PIBF1: variants seen among roughly 807,000 people sequenced by gnomAD.
PIBF1 encodes the protein progesterone-induced-blocking factor 1.
PIBF1 carries 90 observed loss-of-function variants against 112.5 expected under a neutral mutation model. That is an observed-to-expected ratio of 0.80 (90% CI 0.67 to 0.95). The LOEUF (loss-of-function observed/expected upper bound fraction) is 0.95. Among genes scored for constraint, PIBF1 ranks in the 40% least tolerant of loss-of-function variants. The pLI, the probability that PIBF1 is intolerant of heterozygous loss-of-function variation, is 0.00. For synonymous variants in PIBF1, 301 were observed against 288.6 expected, an observed-to-expected ratio of 1.04 and a Z score of -0.44; for missense variants, 915 against 852.3, an observed-to-expected ratio of 1.07 and a Z score of -0.92.
In PIBF1 at chr13:72,914,939, A is replaced by G. The variant is rs568728495; in HGVS notation, c.1640-2137A>G. On this transcript the variant is annotated intron_variant, in intron 12 of 17. Coordinates refer to ENST00000326291, the MANE Select transcript of PIBF1 (RefSeq NM_006346.4). Reference sequence around the variant, plus strand: ...CCCTGAAACTTCCTAATTTTTCTGTACAGTTGCTCTCTCTATTAGCAGATA... The same window carrying G: ...CCCTGAAACTTCCTAATTTTTCTGTGCAGTTGCTCTCTCTATTAGCAGATA... Among the ~76,000 whole-genome samples the G allele has an allele frequency of 5.9e-5, 9 of 152,290 alleles. No individual in the cohort carries two copies. In the East Asian group the frequency reaches 1.7e-3, roughly 29 times the overall value.
chr13:72,842,972 G>C (rs1387849933), intron 9 of PIBF1, among the ~76,000 whole-genome samples: 1 of 152,072 alleles, frequency 6.6e-6, no homozygotes, highest in African/African-American at 2.4e-5. Flanking sequence ...AGCTCTGTAG[G>C]GTGTTCCAGA....
In PIBF1 at chr13:72,914,359, A is replaced by G. The variant is rs527672603; in HGVS notation, c.1640-2717A>G. ...AAAGTATAAGTATTGTCTAAAAGCT[A>G]AATAAACTCATATTAGAAAAAAAAA... is the stretch of plus-strand genomic sequence containing the variant. On this transcript the variant is annotated intron_variant, in intron 12 of 17. Coordinates refer to ENST00000326291, the MANE Select transcript of PIBF1 (RefSeq NM_006346.4). Among the ~76,000 whole-genome samples, 3 of 152,226 alleles carry G rather than the reference A, an allele frequency of 2.0e-5. No homozygotes were observed. The South Asian group carries it at 6.2e-4, about 32-fold the overall frequency.
intron 17 of PIBF1, among the ~76,000 whole-genome samples, chr13:73,003,178 T>A (rs1388813616): frequency 6.6e-6 from 1 of 151,990 alleles, no homozygotes; most frequent in South Asian, 2.1e-4. Context: ...ATATAATTGA[T>A]ACATAAGTGG....
intron 16 of PIBF1, among the ~76,000 whole-genome samples, chr13:72,991,612 G>C (rs2043483577): frequency 6.6e-6 from 1 of 152,108 alleles, no homozygotes; most frequent in Admixed American, 6.5e-5. Flanking sequence ...CAGCTGGCCA[G>C]ATTTGGTGGC....
chr13:72,931,068 A>AGGAAATGATGTCTATT, intron 13 of PIBF1, 97 bp from the exon 14 acceptor site: 1 of 695,408 alleles, frequency 1.4e-6, no homozygotes, highest in Non-Finnish European at 2.5e-6. Context: ...AAGTATAATT[A>AGGAAATGATGTCTATT]GGAAATGATG....
chr13:72,822,363 AT>A (rs747321748), intron 6 of PIBF1, among the ~76,000 whole-genome samples: 5 of 152,240 alleles, frequency 3.3e-5, no homozygotes, highest in Middle Eastern at 3.4e-3. Flanking sequence ...CAAAAAAAAA[AT>A]GACACTTTCT....
At chr13:72,977,849 T>C (rs1316426346) in intron 16 of PIBF1, among the ~76,000 whole-genome samples, 1 of 152,166 alleles carries the variant, frequency 6.6e-6, no homozygotes, top group Non-Finnish European at 1.5e-5. Flanking sequence ...TGATGTTTAG[T>C]CCTAACTTTT....
In PIBF1 at chr13:72,927,945, G is replaced by GTGTA. The variant is rs1555316839; in HGVS notation, c.1731-3219_1731-3218insGTAT. 2.3e-3 allele frequency among the ~76,000 whole-genome samples: 199 copies of GTGTA among 87,874 alleles called. 2 individuals carry two copies. The highest frequency in any genetic ancestry group is 5.9e-3 in the Middle Eastern group (1 of 170). 57.6% of individuals were successfully genotyped at this position (87,874 alleles called of 152,430 possible). A position where few individuals can be genotyped will look rare whatever the true frequency, so the allele number is the denominator to read the frequency against. ...TTAATACCATTTCTAATATATGTGT[G>GTGTA]TATATATATATATACACATATATAT... On this transcript the variant is annotated intron_variant, in intron 13 of 17. Coordinates refer to ENST00000326291, the MANE Select transcript of PIBF1 (RefSeq NM_006346.4).
intron 2 of PIBF1, among the ~76,000 whole-genome samples, chr13:72,790,986 G>A (rs2034893565): frequency 6.6e-6 from 1 of 152,206 alleles, no homozygotes; most frequent in African/African-American, 2.4e-5. Context: ...GACGATGCAA[G>A]AGGAGGGATT....
intron 5 of PIBF1, among the ~76,000 whole-genome samples, chr13:72,815,731 T>C (rs1469978265): frequency 6.6e-6 from 1 of 152,146 alleles, no homozygotes; most frequent in Non-Finnish European, 1.5e-5. Flanking sequence ...AGTGGCATGA[T>C]CACACCTCAC....
chr13:72,943,721 C>G (rs966996358), intron 14 of PIBF1, among the ~76,000 whole-genome samples: 2 of 152,198 alleles, frequency 1.3e-5, no homozygotes, highest in African/African-American at 4.8e-5. Flanking sequence ...CCTCAGTCTC[C>G]TTTGTTGACT....
intron 17 of PIBF1, among the ~76,000 whole-genome samples, chr13:73,003,974 C>T (rs573153584): frequency 3.9e-4 from 60 of 152,166 alleles, no homozygotes; most frequent in African/African-American, 1.4e-3. Flanking sequence ...GCTATAATCT[C>T]AAAGTGCTGG....
chr13:72,949,346 C>T lies in PIBF1; in HGVS notation c.1834-15928C>T, dbSNP rs373514408. On this transcript the variant is annotated intron_variant, in intron 14 of 17. Transcript: ENST00000326291. ...TTTTTTTTTTTTTGAGACAGAGTCTCGCTCTGTCAGCCAGGCTAGAGTGCA... is the reference window on the plus strand; with the variant it reads ...TTTTTTTTTTTTTGAGACAGAGTCTTGCTCTGTCAGCCAGGCTAGAGTGCA... Among the ~76,000 whole-genome samples, 141 of 104,538 alleles carry T rather than the reference C, an allele frequency of 1.3e-3. No homozygotes were observed. In the Middle Eastern group the frequency reaches 0.085, roughly 63 times the overall value. 68.6% of individuals were successfully genotyped at this position (104,538 alleles called of 152,430 possible).
intron 9 of PIBF1, among the ~76,000 whole-genome samples, chr13:72,848,496 A>G (rs2037972528): frequency 1.3e-5 from 2 of 152,206 alleles, no homozygotes; most frequent in South Asian, 4.1e-4. Context: ...ATTGCATATG[A>G]ATTATGTCTA....
chr13:72,840,502 TC>T (rs1407289156), intron 9 of PIBF1, among the ~76,000 whole-genome samples: 1 of 151,534 alleles, frequency 6.6e-6, no homozygotes, highest in Non-Finnish European at 1.5e-5. Flanking sequence ...ATATTTGGTC[TC>T]CTTATCTCTC....
chr13:72,811,762 T>A (rs1250771699), intron 5 of PIBF1, among the ~76,000 whole-genome samples: 2 of 152,130 alleles, frequency 1.3e-5, no homozygotes, highest in Non-Finnish European at 2.9e-5. Context: ...CCTATACCTC[T>A]AAAACCTCTA....
In PIBF1 at chr13:72,844,789, A is replaced by ACACACACACACACACACACACG. The variant is rs1594035467; in HGVS notation, c.1224-9257_1224-9256insACACACACACGCACACACACAC. On this transcript the variant is annotated intron_variant, in intron 9 of 17. Coordinates refer to ENST00000326291, the MANE Select transcript of PIBF1 (RefSeq NM_006346.4). ...CACACACACACACACACACACACAC[A>ACACACACACACACACACACACG]CACACACACACGGATGAAGTCTTAC... Among the ~76,000 whole-genome samples the ACACACACACACACACACACACG allele has an allele frequency of 2.0e-4, 24 of 119,622 alleles. 3 individuals are homozygous for ACACACACACACACACACACACG. Among genetic ancestry groups the ACACACACACACACACACACACG allele is most frequent in the African/African-American group, 8.0e-4 (21 of 26,314 alleles). The allele number at this position is 119,622 out of a possible 152,430, so 78.5% of individuals were successfully genotyped here.
At chr13:72,882,190 G>A (rs1864528847) in intron 10 of PIBF1, among the ~76,000 whole-genome samples, 1 of 152,120 alleles carries the variant, frequency 6.6e-6, no homozygotes, top group Non-Finnish European at 1.5e-5. Context: ...ATACATTGGG[G>A]AAAGGACAGT....
intron 10 of PIBF1, among the ~76,000 whole-genome samples, chr13:72,859,772 A>G (rs566826884): frequency 6.6e-6 from 1 of 152,290 alleles, no homozygotes; most frequent in Middle Eastern, 3.4e-3. Context: ...TAGAAGTTAT[A>G]TGTAGAATGT....
Sources: allele counts gnomAD v4.1 joint callset (sites outside exome capture counted in the v4.1 genomes callset), GRCh38; gene constraint gnomAD v4.1.1; transcripts MANE v1.5; gene names NCBI Gene and HGNC (gene_info 2026-07-23, HGNC 2026-07-21).